AFF4: variants seen among roughly 807,000 people sequenced by gnomAD.
AFF4 encodes ALF transcription elongation factor 4.
Under a neutral mutation model 124.8 loss-of-function variants are expected in AFF4, and 13 were observed. That is an observed-to-expected ratio of 0.10 (90% CI 0.07 to 0.17). The LOEUF is 0.17. Among genes scored for constraint, AFF4 ranks in the 10% least tolerant of loss-of-function variants. The probability of loss-of-function intolerance (pLI) is 1.00; values close to 1 mark genes in which losing one functional copy is unlikely to be tolerated. For synonymous variants in AFF4, 477 were observed against 496.1 expected (o/e 0.96, Z 0.51); for missense variants, 1,092 against 1,403.8 (o/e 0.78, Z 3.55).
At chr5:132,928,798 AGAAG>A (rs1345832109) in intron 4 of AFF4, among the ~76,000 whole-genome samples, 2 of 152,236 alleles carry the variant, frequency 1.3e-5, no homozygotes, top group Admixed American at 6.5e-5. Flanking sequence ...ACAGAATGAC[AGAAG>A]GAAGAGACAA....
At chr5:132,905,372 C>T (rs1760649341) in intron 5 of AFF4, among the ~76,000 whole-genome samples, 1 of 152,144 alleles carries the variant, frequency 6.6e-6, no homozygotes, top group Admixed American at 6.5e-5. Context: ...AGATGTAGCA[C>T]TAAAATTATA....
At chr5:132,894,798 T>TA in intron 11 of AFF4, among the ~76,000 whole-genome samples, 1 of 152,014 alleles carries the variant, frequency 6.6e-6, no homozygotes, top group Non-Finnish European at 1.5e-5. Flanking sequence ...ACCATCTCTA[T>TA]AAAAAATTAG....
chr5:132,913,025 AATCATAT>A (rs1189012293), intron 5 of AFF4, among the ~76,000 whole-genome samples: 1 of 152,182 alleles, frequency 6.6e-6, no homozygotes, highest in Non-Finnish European at 1.5e-5. Flanking sequence ...AGCACAACAA[AATCATAT>A]ACTACCTACA....
intron 1 of AFF4, among the ~76,000 whole-genome samples, chr5:132,941,120 T>C (rs1192281509): frequency 6.6e-6 from 1 of 152,096 alleles, no homozygotes; most frequent in Non-Finnish European, 1.5e-5. Context: ...AATATATTGG[T>C]TCGATTTTTT....
chr5:132,901,067 A>T, intron 7 of AFF4: 1 of 985,468 alleles, frequency 1.0e-6, no homozygotes, highest in African/African-American at 1.7e-5. Flanking sequence ...AATTAAACAG[A>T]ACAGGGAAAA....
chr5:132,910,349 C>T (rs951858163), intron 5 of AFF4, among the ~76,000 whole-genome samples: 23 of 152,202 alleles, frequency 1.5e-4, no homozygotes, highest in Admixed American at 3.3e-4. Context: ...TCAGACTCGT[C>T]AATGGTGTGA....
intron 4 of AFF4, among the ~76,000 whole-genome samples, chr5:132,929,657 GA>G (rs1761256465): frequency 2.0e-5 from 3 of 152,160 alleles, no homozygotes; most frequent in Non-Finnish European, 4.4e-5. Flanking sequence ...AAAAGAGAAA[GA>G]ATGTATGTGG....
At chr5:132,916,449 G>T (rs1425477274) in intron 5 of AFF4, among the ~76,000 whole-genome samples, 1 of 151,556 alleles carries the variant, frequency 6.6e-6, no homozygotes, top group Non-Finnish European at 1.5e-5. Flanking sequence ...TGGAACAGCT[G>T]AAGCCAACCA....
At chr5:132,927,842 A>G (rs1761214047) in intron 4 of AFF4, among the ~76,000 whole-genome samples, 1 of 152,202 alleles carries the variant, frequency 6.6e-6, no homozygotes, top group South Asian at 2.1e-4. Flanking sequence ...GCACATGAGG[A>G]GGAAAACAGA....
At chr5:132,890,123 A>AT (rs1305873999) in intron 13 of AFF4, among the ~76,000 whole-genome samples, 1 of 151,656 alleles carries the variant, frequency 6.6e-6, no homozygotes, top group African/African-American at 2.4e-5. Context: ...TCAATAATAT[A>AT]TAATTTTACT....
chr5:132,922,411 C>T lies in AFF4; in HGVS notation c.1050+4710G>A, dbSNP rs562225428. ...CTAGCCTGGACAACAGAGACCTTGT[C>T]TTAAAAAGAAAGAAATAAAAGTATA... On this transcript the variant is annotated intron_variant, in intron 5 of 20. Coordinates refer to ENST00000265343, the MANE Select transcript of AFF4 (RefSeq NM_014423.4). Among the ~76,000 whole-genome samples, 8 of 152,030 alleles carry T rather than the reference C, an allele frequency of 5.3e-5. 1 individual carries two copies. Among genetic ancestry groups the T allele is most frequent in the East Asian group, 3.9e-4 (2 of 5,162 alleles).
chr5:132,882,294 C>T (rs1436135310), intron 20 of AFF4, among the ~76,000 whole-genome samples: 1 of 151,168 alleles, frequency 6.6e-6, no homozygotes, highest in Non-Finnish European at 1.5e-5. Flanking sequence ...CTTTCATTTT[C>T]ATCTGATTAC....
At chr5:132,935,014 T>C in intron 2 of AFF4, 73 bp from the exon 3 acceptor site, 1 of 1,275,852 alleles carries the variant, frequency 7.8e-7, no homozygotes, top group Non-Finnish European at 1.0e-6. Context: ...CTGAACTAAT[T>C]TTCCAAACTT....
chr5:132,912,219 C>T (rs1760807661), intron 5 of AFF4, among the ~76,000 whole-genome samples: 1 of 150,636 alleles, frequency 6.6e-6, no homozygotes, highest in Non-Finnish European at 1.5e-5. Context: ...GTGGCAGGCA[C>T]TTGTAATCCC....
intron 5 of AFF4, among the ~76,000 whole-genome samples, chr5:132,915,991 A>C (rs1177500578): frequency 1.3e-5 from 2 of 152,026 alleles, no homozygotes; most frequent in African/African-American, 4.8e-5. Flanking sequence ...GTGGTGGCTC[A>C]CATCTGTAAC....
At chr5:132,883,630 T>TTTCATGTAG in intron 19 of AFF4, 70 bp from the exon 20 acceptor site, 1 of 1,346,254 alleles carries the variant, frequency 7.4e-7, no homozygotes, top group South Asian at 1.2e-5. Flanking sequence ...TACTACTAGC[T>TTTCATGTAG]CTTTCTACAT....
chr5:132,895,508 T>C (rs1554074326), intron 11 of AFF4, among the ~76,000 whole-genome samples: 1 of 152,220 alleles, frequency 6.6e-6, no homozygotes, highest in Admixed American at 6.5e-5. Flanking sequence ...GGTACCTATC[T>C]GTTCACCTAC....
At chr5:132,888,271 C>A (rs1381629031) in intron 14 of AFF4, 111 bp from the exon 15 acceptor site, 2 of 748,384 alleles carry the variant, frequency 2.7e-6, no homozygotes, top group South Asian at 2.3e-5. Flanking sequence ...AGAAAATGAG[C>A]TGTTACTAAG....
chr5:132,879,721 G>T lies in AFF4; in HGVS notation c.*1338C>A, dbSNP rs990163152. ...CTTAGACTTCTATATGCACCTTGTAGCAAAAGGTACTTTGATATACAACTC... is the reference window on the plus strand; with the variant it reads ...CTTAGACTTCTATATGCACCTTGTATCAAAAGGTACTTTGATATACAACTC... On this transcript the variant is annotated 3_prime_UTR_variant, in exon 21 of 21. Coordinates refer to ENST00000265343, the MANE Select transcript of AFF4 (RefSeq NM_014423.4). The T allele has an allele frequency of 3.3e-5, 7 of 213,734 alleles. No individual in the cohort carries two copies. Among genetic ancestry groups the T allele is most frequent in the Non-Finnish European group, 6.6e-5 (7 of 105,582 alleles). The allele number at this position is 213,734 out of a possible 1,614,324, so 13.2% of individuals were successfully genotyped here.
Sources: gnomAD v4.1 joint callset for allele counts (sites outside exome capture counted in the v4.1 genomes callset) on GRCh38, gnomAD v4.1.1 for gene constraint, MANE v1.5 for transcripts, NCBI Gene and HGNC (gene_info 2026-07-23, HGNC 2026-07-21) for gene names.